The following LUZP2 variants were observed in gnomAD, a reference collection of about 807,000 sequenced individuals.
LUZP2 encodes the protein leucine zipper protein 2.
In LUZP2, 52 loss-of-function variants were observed where a neutral mutation model predicts 51.6. That is an observed-to-expected ratio of 1.01 (90% CI 0.81 to 1.27). LUZP2 has a LOEUF of 1.27. Among genes scored for constraint, LUZP2 ranks in the 50% most tolerant of loss-of-function variants. LUZP2 has a pLI of 0.00. For synonymous variants in LUZP2, 154 were observed against 137.3 expected (o/e 1.12, Z -0.85); for missense variants, 436 against 395.4 (o/e 1.10, Z -0.87).
chr11:24,729,060 TGA>T, intron 1 of LUZP2, 107 bp from the exon 2 acceptor site: 1 of 507,550 alleles, frequency 2.0e-6, no homozygotes, highest in Non-Finnish European at 3.5e-6. Flanking sequence ...TCTTAGTAAT[TGA>T]GGTTTTAACT....
At chr11:24,751,605 T>C in intron 4 of LUZP2, 1 of 982,402 alleles carries the variant, frequency 1.0e-6, no homozygotes, top group Non-Finnish European at 1.2e-6. Flanking sequence ...GAGCATTCTA[T>C]GCTTTCAAAG....
intron 5 of LUZP2, among the ~76,000 whole-genome samples, chr11:24,874,395 G>A (rs770982863): frequency 2.6e-5 from 4 of 152,026 alleles, no homozygotes; most frequent in Non-Finnish European, 4.4e-5. Context: ...TCACAGTGTC[G>A]GTGAGGCATT....
intron 5 of LUZP2, among the ~76,000 whole-genome samples, chr11:24,864,173 T>G (rs1851819046): frequency 6.6e-6 from 1 of 152,166 alleles, no homozygotes; most frequent in Non-Finnish European, 1.5e-5. Context: ...GTAATTATAG[T>G]GTACTTATGT....
intron 1 of LUZP2, among the ~76,000 whole-genome samples, chr11:24,632,783 A>G (rs148770208): frequency 1.3e-5 from 2 of 152,148 alleles, no homozygotes; most frequent in East Asian, 1.9e-4. Context: ...GCAAAATATC[A>G]CACAGAATAT....
chr11:25,004,215 C>T (rs971431025), intron 9 of LUZP2, among the ~76,000 whole-genome samples: 1 of 152,184 alleles, frequency 6.6e-6, no homozygotes, highest in Non-Finnish European at 1.5e-5. Flanking sequence ...GTGCACCTTC[C>T]AGTGATTGCC....
chr11:24,704,241 A>G (rs1028253499), intron 1 of LUZP2, among the ~76,000 whole-genome samples: 1 of 152,204 alleles, frequency 6.6e-6, no homozygotes, highest in Non-Finnish European at 1.5e-5. Flanking sequence ...TCATTTTTGG[A>G]CAAGCACAGA....
At chr11:24,735,252 C>T (rs1021387100) in intron 3 of LUZP2, among the ~76,000 whole-genome samples, 7 of 151,830 alleles carry the variant, frequency 4.6e-5, no homozygotes, top group East Asian at 1.9e-4. Flanking sequence ...TTGGCTTGAG[C>T]GTCACGTTTC....
intron 1 of LUZP2, among the ~76,000 whole-genome samples, chr11:24,529,594 G>A (rs914644507): frequency 6.6e-6 from 1 of 150,794 alleles, no homozygotes; most frequent in South Asian, 2.1e-4. Context: ...GAATCAATAA[G>A]AATAAGACAT....
chr11:25,067,478 G>T (rs10767306), intron 10 of LUZP2, among the ~76,000 whole-genome samples: 1 of 151,720 alleles, frequency 6.6e-6, no homozygotes, highest in African/African-American at 2.4e-5. Flanking sequence ...GAATGGTATG[G>T]CCTTGGTTTT....
At position 24,572,689 on chromosome 11, in the gene LUZP2, C is replaced by T. The variant is rs535691298; in HGVS notation, c.62+75384C>T. 3.9e-5 allele frequency among the ~76,000 whole-genome samples: 6 copies of T among 152,094 alleles called. No individual in the cohort carries two copies. The South Asian group carries it at 1.2e-3, about 32-fold the overall frequency. Reference sequence around the variant, plus strand: ...TGTGAGACAGCTTGATGTCTCTCTGCATCAGGGATTTTGGATTATAATATC... The same window carrying T: ...TGTGAGACAGCTTGATGTCTCTCTGTATCAGGGATTTTGGATTATAATATC... On this transcript the variant is annotated intron_variant, in intron 1 of 11. Coordinates refer to ENST00000336930, the MANE Select transcript of LUZP2 (RefSeq NM_001009909.4).
chr11:24,839,257 A>G (rs962457770), intron 5 of LUZP2, among the ~76,000 whole-genome samples: 1 of 151,660 alleles, frequency 6.6e-6, no homozygotes, highest in Admixed American at 6.6e-5. Context: ...TACCCATGGA[A>G]AACTCTCCTT....
intron 1 of LUZP2, among the ~76,000 whole-genome samples, chr11:24,516,869 C>T (rs1276712843): frequency 6.6e-6 from 1 of 152,128 alleles, no homozygotes; most frequent in East Asian, 1.9e-4. Context: ...AATCACATTC[C>T]CTTAAGGCTA....
At chr11:24,600,831 C>A (rs748824514) in intron 1 of LUZP2, among the ~76,000 whole-genome samples, 3 of 151,982 alleles carry the variant, frequency 2.0e-5, no homozygotes, top group African/African-American at 7.2e-5. Context: ...AAGGTAGACA[C>A]GCTAGACTCA....
At chr11:24,517,304 T>C (rs1850496581) in intron 1 of LUZP2, among the ~76,000 whole-genome samples, 1 of 151,496 alleles carries the variant, frequency 6.6e-6, no homozygotes, top group South Asian at 2.1e-4. Context: ...GCTAACACAG[T>C]GAAACCCCGT....
chr11:24,588,260 G>A (rs1363663718), intron 1 of LUZP2, among the ~76,000 whole-genome samples: 1 of 152,040 alleles, frequency 6.6e-6, no homozygotes, highest in Non-Finnish European at 1.5e-5. Context: ...TCACACAGAA[G>A]AGAAAGTCAG....
At chr11:24,810,098 T>A (rs1469118245) in intron 5 of LUZP2, among the ~76,000 whole-genome samples, 2 of 152,166 alleles carry the variant, frequency 1.3e-5, no homozygotes, top group East Asian at 3.9e-4. Flanking sequence ...AACAGCCTTC[T>A]TTTTGTTTGT....
chr11:25,035,597 A>G (rs1857831974), intron 9 of LUZP2, among the ~76,000 whole-genome samples: 1 of 152,146 alleles, frequency 6.6e-6, no homozygotes, highest in Admixed American at 6.6e-5. Context: ...AATATCAAAA[A>G]TTGACCATTA....
At chr11:24,901,407 A>T (rs1853277602) in intron 5 of LUZP2, among the ~76,000 whole-genome samples, 1 of 152,158 alleles carries the variant, frequency 6.6e-6, no homozygotes, top group Non-Finnish European at 1.5e-5. Context: ...CATTAAAAAA[A>T]AAAAAAGGTA....
At chr11:24,912,343 C>G (rs1432006752) in intron 6 of LUZP2, among the ~76,000 whole-genome samples, 1 of 151,822 alleles carries the variant, frequency 6.6e-6, no homozygotes, top group South Asian at 2.1e-4. Flanking sequence ...ATAGAAATAT[C>G]TGTGAAAAAA....
Sources: allele counts gnomAD v4.1 joint callset (sites outside exome capture counted in the v4.1 genomes callset), GRCh38; gene constraint gnomAD v4.1.1; transcripts MANE v1.5; gene names NCBI Gene and HGNC (gene_info 2026-07-23, HGNC 2026-07-21).